Variants in EDA observed in about 807,000 individuals in gnomAD.
EDA encodes the protein ectodysplasin A, also known as ectodysplasin-A.
In EDA, 2 loss-of-function variants were observed where a neutral mutation model predicts 23.6. The observed-to-expected ratio is 0.08, with a 90% CI of 0.03 to 0.27. The LOEUF (loss-of-function observed/expected upper bound fraction) is 0.27. EDA is among the 10% of genes least tolerant of loss of function. The probability of loss-of-function intolerance (pLI) is 1.00; values close to 1 mark genes in which losing one functional copy is unlikely to be tolerated. For missense variants in EDA, 229 were observed against 324.2 expected (o/e 0.71, Z 2.26); for synonymous variants, 131 against 132.0 (o/e 0.99, Z 0.05).
intron 1 of EDA, chrX:69,617,061 G>A (rs1490769190): frequency 3.4e-5 from 13 of 377,435 alleles, no homozygotes; most frequent in Non-Finnish European, 5.2e-5. Context: ...TTCTCTGCCC[G>A]CGGTGCTTGT....
intron 1 of EDA, among the ~76,000 whole-genome samples, chrX:69,910,160 T>C (rs936292477): frequency 2.7e-5 from 3 of 110,345 alleles, no homozygotes; most frequent in Admixed American, 9.8e-5. Context: ...GTTTTTTTAA[T>C]TAATTATTTT....
chrX:69,998,853 C>T (rs2019698785), intron 2 of EDA, among the ~76,000 whole-genome samples: 1 of 111,701 alleles, frequency 9.0e-6, no homozygotes, highest in Admixed American at 9.5e-5. Flanking sequence ...TGCCTTTCAC[C>T]TTCCACCATG....
intron 1 of EDA, among the ~76,000 whole-genome samples, chrX:69,817,162 C>T (rs372630898): frequency 1.9e-4 from 21 of 111,582 alleles, no homozygotes; most frequent in Middle Eastern, 4.7e-3. Context: ...TTCAGACAGG[C>T]GAATGCTGGG....
At chrX:69,669,831 C>T (rs1218329813) in intron 1 of EDA, among the ~76,000 whole-genome samples, 1 of 110,983 alleles carries the variant, frequency 9.0e-6, no homozygotes, top group African/African-American at 3.3e-5. Flanking sequence ...TACCCCATTC[C>T]CTTCTCTAAT....
rs778662004 is a variant in EDA at position 69,957,139 on chromosome X, C to G, written c.502+7C>G. ...AGCAATGAAGGAGCAGATGGTAAGT[C>G]TACTCAGTTGATCCTTTATCACTTC... is the stretch of plus-strand genomic sequence containing the variant. On this transcript the variant is annotated splice_region_variant and intron_variant, in intron 2 of 7. Coordinates refer to ENST00000374552, the MANE Select transcript of EDA (RefSeq NM_001399.5). The G allele has an allele frequency of 2.5e-6, 3 of 1,184,642 alleles. No individual in the cohort carries two copies. Among genetic ancestry groups the G allele is most frequent in the Non-Finnish European group, 3.4e-6 (3 of 870,773 alleles).
chrX:69,982,615 T>C (rs1421378289), intron 2 of EDA, among the ~76,000 whole-genome samples: 2 of 105,331 alleles, frequency 1.9e-5, no homozygotes, highest in Non-Finnish European at 3.8e-5. Flanking sequence ...GCTCTGCAGA[T>C]TTTTTTTCTT....
chrX:69,639,181 G>T (rs1377734037), intron 1 of EDA, among the ~76,000 whole-genome samples: 1 of 111,284 alleles, frequency 9.0e-6, no homozygotes, highest in Non-Finnish European at 1.9e-5. Flanking sequence ...TGGACACTTG[G>T]GTTGCTTCCA....
chrX:69,935,566 C>T (rs2018660153), intron 1 of EDA, among the ~76,000 whole-genome samples: 1 of 111,392 alleles, frequency 9.0e-6, no homozygotes. Flanking sequence ...TTAAAAAGGA[C>T]CACCCAGTTA....
In EDA at chrX:69,703,020, T is replaced by A. The variant is rs1183222197; in HGVS notation, c.396+86316T>A. Among the ~76,000 whole-genome samples the A allele has an allele frequency of 1.3e-4, 14 of 109,156 alleles. No homozygotes were observed. The Admixed American group carries it at 1.4e-3, about 11-fold the overall frequency. The allele number at this position is 109,156 out of a possible 115,157, so 94.8% of individuals were successfully genotyped here. A position where few individuals can be genotyped will look rare whatever the true frequency, so the allele number is the denominator to read the frequency against. On this transcript the variant is annotated intron_variant, in intron 1 of 7. Transcript: ENST00000374552. Reference sequence around the variant, plus strand: ...GGAATGGAAGACTGGGAATTTCCCATAACGGAGGGTAGGCTCAGGAGAAAA... The same window carrying A: ...GGAATGGAAGACTGGGAATTTCCCAAAACGGAGGGTAGGCTCAGGAGAAAA...
intron 1 of EDA, among the ~76,000 whole-genome samples, chrX:69,702,020 G>A (rs2011547411): frequency 9.0e-6 from 1 of 111,509 alleles, no homozygotes; most frequent in South Asian, 3.8e-4. Context: ...CAGAGGTCAT[G>A]CCAAGTTCAT....
chrX:69,955,548 A>G (rs1320009128), intron 1 of EDA, among the ~76,000 whole-genome samples: 1 of 111,562 alleles, frequency 9.0e-6, no homozygotes, highest in Non-Finnish European at 1.9e-5. Flanking sequence ...TCAGAGATGG[A>G]GCAGACATGA....
intron 1 of EDA, among the ~76,000 whole-genome samples, chrX:69,809,570 T>C (rs2015895402): frequency 8.9e-6 from 1 of 111,978 alleles, no homozygotes; most frequent in South Asian, 3.8e-4. Context: ...CTGAGGAATT[T>C]AGGCAAGGTA....
At position 70,033,490 on chromosome X, in the gene EDA, C is replaced by T. The variant is rs2020226620; in HGVS notation, c.886C>T (p.Leu296=). 1 of 1,211,580 alleles carries T rather than the reference C, an allele frequency of 8.3e-7. No homozygotes were observed. Among genetic ancestry groups the T allele is most frequent in the Non-Finnish European group, 1.1e-6 (1 of 895,416 alleles). ...TCCCCGCAGCGGGGAGCTGGAGGTA[C>T]TGGTGGACGGCACCTACTTCATCTA... ...LHPRSGELEV[L]VDGTYFIYSQ... is the part of the protein sequence containing the mutation. The change falls in exon 7 of 8, where the codon CTG becomes TTG. Residue 296 remains leucine (L), a synonymous_variant. Coordinates refer to ENST00000374552, the MANE Select transcript of EDA (RefSeq NM_001399.5).
chrX:69,655,759 A>AATATATATATATATATATATATATAT (rs1435834220), intron 1 of EDA, among the ~76,000 whole-genome samples: 13 of 39,366 alleles, frequency 3.3e-4, no homozygotes, highest in South Asian at 1.4e-3. Flanking sequence ...ACATCATTAG[A>AATATATATATATATATATATATATAT]ATCTATATAT....
intron 1 of EDA, among the ~76,000 whole-genome samples, chrX:69,731,026 A>G (rs1436985264): frequency 1.8e-5 from 2 of 112,726 alleles, no homozygotes; most frequent in Non-Finnish European, 3.7e-5. Context: ...GTTTATACAT[A>G]CAACTTATTT....
At chrX:69,687,173 T>G (rs184259602) in intron 1 of EDA, among the ~76,000 whole-genome samples, 1 of 112,038 alleles carries the variant, frequency 8.9e-6, no homozygotes, top group Non-Finnish European at 1.9e-5. Flanking sequence ...TCCTGAAGAC[T>G]AATGATTTTT....
intron 1 of EDA, among the ~76,000 whole-genome samples, chrX:69,740,390 A>G (rs771273750): frequency 4.2e-4 from 46 of 110,621 alleles, no homozygotes; most frequent in Non-Finnish European, 6.7e-4. Context: ...TTTTTGAAAG[A>G]TATTTTTTTC....
chrX:69,959,494 C>T (rs1474791445), intron 2 of EDA, among the ~76,000 whole-genome samples: 3 of 111,566 alleles, frequency 2.7e-5, no homozygotes, highest in East Asian at 2.8e-4. Flanking sequence ...CTCTGATGAG[C>T]GTATACTATA....
At chrX:69,803,300 T>C (rs1053913517) in intron 1 of EDA, among the ~76,000 whole-genome samples, 1 of 110,601 alleles carries the variant, frequency 9.0e-6, no homozygotes, top group African/African-American at 3.3e-5. Context: ...TCAGTTTTTT[T>C]GGTTTTTTTT....
Sources: gnomAD v4.1 joint callset for allele counts (sites outside exome capture counted in the v4.1 genomes callset) on GRCh38, gnomAD v4.1.1 for gene constraint, MANE v1.5 for transcripts, NCBI Gene and HGNC (gene_info 2026-07-23, HGNC 2026-07-21) for gene names.